The following BBOX1 variants were observed in gnomAD, a reference collection of about 807,000 sequenced individuals.
BBOX1 encodes the protein gamma-butyrobetaine dioxygenase.
In BBOX1, 35 loss-of-function variants were observed where a neutral mutation model predicts 41.6. That is an observed-to-expected ratio of 0.84 (90% CI 0.64 to 1.11). BBOX1 has a LOEUF of 1.11. BBOX1 is among the 50% of genes most tolerant of loss of function. The pLI is 0.00. For missense variants in BBOX1, 458 were observed against 460.6 expected, an observed-to-expected ratio of 0.99 and a Z score of 0.05; for synonymous variants, 163 against 154.7, an observed-to-expected ratio of 1.05 and a Z score of -0.40.
chr11:27,047,918 C>T (rs945854271), intron 2 of BBOX1, among the ~76,000 whole-genome samples: 5 of 151,978 alleles, frequency 3.3e-5, no homozygotes, highest in Non-Finnish European at 5.9e-5. Context: ...GTAATCTTAC[C>T]GTCCATACAA....
chr11:27,044,923 G>A (rs1461918818), intron 2 of BBOX1, among the ~76,000 whole-genome samples: 1 of 152,014 alleles, frequency 6.6e-6, no homozygotes, highest in African/African-American at 2.4e-5. Flanking sequence ...CTCTTTTTTG[G>A]TTCCACATGA....
At chr11:27,089,396 C>A (rs1253380748) in intron 4 of BBOX1, among the ~76,000 whole-genome samples, 1 of 151,906 alleles carries the variant, frequency 6.6e-6, no homozygotes, top group African/African-American at 2.4e-5. Context: ...GGAAACAATA[C>A]ATTTTTCTTA....
Position 27,057,063 on chromosome 11 carries a change from T to TAAAAAAAAAAAAAAAAAAAAAAAAA in BBOX1, c.220-138_220-137insAAAAAAAAAAAAAAAAAAAAAAAAA, listed in dbSNP as rs1459422645. ...CCTGGCAACAGAGGAAGACTCCGACTTAAAAAAAAAAAAAAAAAAAAATTA... is the reference window on the plus strand; with the variant it reads ...CCTGGCAACAGAGGAAGACTCCGACTAAAAAAAAAAAAAAAAAAAAAAAAATAAAAAAAAAAAAAAAAAAAAATTA... On this transcript the variant is annotated intron_variant, in intron 3 of 8. Transcript: ENST00000263182. 2.3e-3 allele frequency: 343 copies of TAAAAAAAAAAAAAAAAAAAAAAAAA among 149,708 alleles called. 124 individuals carry two copies. Among genetic ancestry groups the TAAAAAAAAAAAAAAAAAAAAAAAAA allele is most frequent in the Middle Eastern group, 5.1e-3 (3 of 592 alleles). 9.3% of individuals were successfully genotyped at this position (149,708 alleles called of 1,614,324 possible).
chr11:27,105,376 A>T (rs1858827852), intron 5 of BBOX1, among the ~76,000 whole-genome samples: 1 of 152,126 alleles, frequency 6.6e-6, no homozygotes, highest in Non-Finnish European at 1.5e-5. Context: ...AACTAGAATA[A>T]CCACTGTAGG....
intron 4 of BBOX1, among the ~76,000 whole-genome samples, chr11:27,092,578 C>T (rs923795112): frequency 1.3e-5 from 2 of 151,902 alleles, no homozygotes; most frequent in African/African-American, 4.8e-5. Context: ...CTGTGTGGCG[C>T]TCCCACTAAA....
At chr11:27,056,311 G>A (rs1311233765) in intron 3 of BBOX1, among the ~76,000 whole-genome samples, 2 of 152,110 alleles carry the variant, frequency 1.3e-5, no homozygotes, top group Admixed American at 6.5e-5. Flanking sequence ...AGGCTGGAAT[G>A]CAGTGGGGCG....
intron 4 of BBOX1, among the ~76,000 whole-genome samples, chr11:27,071,870 G>A (rs1047865626): frequency 8.6e-5 from 13 of 151,950 alleles, no homozygotes; most frequent in South Asian, 2.1e-4. Context: ...AAATTCAACA[G>A]CCCTTCATGC....
intron 5 of BBOX1, 137 bp downstream of exon 5, chr11:27,093,503 C>A: frequency 1.1e-6 from 1 of 948,744 alleles, no homozygotes; most frequent in Non-Finnish European, 1.5e-6. Context: ...AAAGAAGAGT[C>A]TAAAAGTAGT....
At chr11:27,060,615 T>C (rs1378510891) in intron 4 of BBOX1, among the ~76,000 whole-genome samples, 1 of 152,214 alleles carries the variant, frequency 6.6e-6, no homozygotes, top group Non-Finnish European at 1.5e-5. Flanking sequence ...TCTCCGTGGC[T>C]TTAAATGAGA....
intron 2 of BBOX1, among the ~76,000 whole-genome samples, chr11:27,042,951 G>T (rs1272100888): frequency 6.6e-6 from 1 of 152,096 alleles, no homozygotes; most frequent in African/African-American, 2.4e-5. Context: ...AAGCCTTCAT[G>T]GTGTAATGTC....
intron 4 of BBOX1, among the ~76,000 whole-genome samples, chr11:27,083,829 G>A (rs1285874431): frequency 2.0e-5 from 3 of 152,098 alleles, no homozygotes; most frequent in Admixed American, 2.0e-4. Flanking sequence ...CAAATGTGTT[G>A]TATGAGTGAA....
intron 4 of BBOX1, among the ~76,000 whole-genome samples, chr11:27,070,589 C>T (rs545267191): frequency 2.0e-5 from 3 of 151,914 alleles, no homozygotes; most frequent in African/African-American, 4.8e-5. Context: ...TACTTCTGCT[C>T]GCTTTTGGTT....
chr11:27,044,575 T>C (rs962113786), intron 2 of BBOX1, among the ~76,000 whole-genome samples: 2 of 152,220 alleles, frequency 1.3e-5, no homozygotes, highest in Non-Finnish European at 2.9e-5. Context: ...AGGTCTTGCG[T>C]TTAAGTCTTT....
chr11:27,100,277 G>GAGAAAGAA (rs1389224655), intron 5 of BBOX1, among the ~76,000 whole-genome samples: 1 of 152,076 alleles, frequency 6.6e-6, no homozygotes, highest in Non-Finnish European at 1.5e-5. Context: ...ATGGGGATTA[G>GAGAAAGAA]AGAAAGAAAA....
chr11:27,093,399 A>G, intron 5 of BBOX1, 33 bp downstream of exon 5: 1 of 1,603,728 alleles, frequency 6.2e-7, no homozygotes, highest in Admixed American at 1.7e-5. Context: ...TTCTGCCATC[A>G]CAGATAAGGT....
rs1368976999 is a variant in BBOX1 at position 27,055,213 on chromosome 11, G to A, written c.-38-180G>A. On this transcript the variant is annotated intron_variant, in intron 2 of 8. Transcript: ENST00000263182. ...ATTTACTTTTAGTCACTGTGTTTCT[G>A]CTTACAGTATGTGAAATACTCTCAC... 6.3e-6 allele frequency: 3 copies of A among 472,842 alleles called. No individual in the cohort carries two copies. The East Asian group carries it at 9.5e-5, about 15-fold the overall frequency. 29.3% of individuals were successfully genotyped at this position (472,842 alleles called of 1,614,324 possible).
At chr11:27,061,821 A>G (rs1454665475) in intron 4 of BBOX1, among the ~76,000 whole-genome samples, 3 of 152,112 alleles carry the variant, frequency 2.0e-5, no homozygotes, top group Non-Finnish European at 4.4e-5. Flanking sequence ...GATAATTATC[A>G]CTCCCTCATA....
rs544402140 is a variant in BBOX1 at position 27,093,367 on chromosome 11, G to A, written c.533+1G>A. 2.5e-6 allele frequency: 4 copies of A among 1,611,766 alleles called. No individual in the cohort carries two copies. Among genetic ancestry groups the A allele is most frequent in the East Asian group, 4.5e-5 (2 of 44,740 alleles). On this transcript the variant is annotated splice_donor_variant, in intron 5 of 8. Coordinates refer to ENST00000263182, the MANE Select transcript of BBOX1 (RefSeq NM_003986.3). LOFTEE classifies it high-confidence loss of function. ...GTTTCCTCTATCTCACATTTTATGG[G>A]TGAGTCACCAAATGGTTTGTATTCT...
At chr11:27,125,920 G>A in intron 8 of BBOX1, 100 bp downstream of exon 8, 1 of 1,251,612 alleles carries the variant, frequency 8.0e-7, no homozygotes, top group East Asian at 2.4e-5. Flanking sequence ...GGTATGGCAT[G>A]TAGAACACCA....
Sources: gnomAD v4.1 joint callset for allele counts (sites outside exome capture counted in the v4.1 genomes callset) on GRCh38, gnomAD v4.1.1 for gene constraint, MANE v1.5 for transcripts, NCBI Gene and HGNC (gene_info 2026-07-23, HGNC 2026-07-21) for gene names.